The following ZNF81 variants were observed in gnomAD, a reference collection of about 807,000 sequenced individuals.
ZNF81 encodes zinc finger protein 81 (HFZ20).
ZNF81 carries 5 observed loss-of-function variants against 32.3 expected under a neutral mutation model. The observed-to-expected ratio is 0.15, with a 90% CI of 0.08 to 0.33. The LOEUF is 0.33. Among genes scored for constraint, ZNF81 ranks in the 10% least tolerant of loss-of-function variants. The pLI, the probability that ZNF81 is intolerant of heterozygous loss-of-function variation, is 1.00. For synonymous variants in ZNF81, 163 were observed against 166.8 expected (o/e 0.98, Z 0.17); for missense variants, 379 against 479.8 (o/e 0.79, Z 1.96).
intron 2 of ZNF81, among the ~76,000 whole-genome samples, chrX:47,864,939 A>G (rs2313522): frequency 0.43 from 48,171 of 110,936 alleles, 7,832 homozygotes; most frequent in East Asian, 0.63. Context: ...GAGCAGAGTT[A>G]CGACAGTGGC....
rs1280913003 is a variant in ZNF81 at position 47,917,315 on chromosome X, G to A, written c.*683G>A. On this transcript the variant is annotated 3_prime_UTR_variant, in exon 5 of 5. Coordinates refer to ENST00000338637, the MANE Select transcript of ZNF81 (RefSeq NM_007137.5). Reference sequence around the variant, plus strand: ...ACACACAAATATAATCCTGTCATTCGTACTGGTTTCCATGACATAGTATCT... The same window carrying A: ...ACACACAAATATAATCCTGTCATTCATACTGGTTTCCATGACATAGTATCT... 1.0e-5 allele frequency: 3 copies of A among 296,675 alleles called. No homozygotes were observed. The highest frequency in any genetic ancestry group is 1.2e-5 in the Non-Finnish European group (2 of 169,861). 24.4% of individuals were successfully genotyped at this position (296,675 alleles called of 1,213,427 possible).
chrX:47,915,429 C>T lies in ZNF81; in HGVS notation c.783C>T (p.Leu261=). The T allele has an allele frequency of 8.3e-7, 1 of 1,211,575 alleles. No homozygotes were observed. The highest frequency in any genetic ancestry group is 1.1e-6 in the Non-Finnish European group (1 of 895,487). ...CGKVLSLKHS[L]SQNVKFPIGE... ...AAGTCCTCAGCCTCAAACACTCACT[C>T]AGTCAAAATGTGAAATTTCCCATTG... The change falls in exon 5 of 5, where the codon CTC becomes CTT. Residue 261 remains leucine (L), a synonymous_variant. Transcript: ENST00000338637.
chrX:47,866,769 G>A (rs7054119), intron 2 of ZNF81, among the ~76,000 whole-genome samples: 45,498 of 110,147 alleles, frequency 0.41, 7,392 homozygotes, highest in East Asian at 0.62. Context: ...TGGCTCCTGA[G>A]CTCTTAAGAA....
intron 2 of ZNF81, among the ~76,000 whole-genome samples, chrX:47,863,071 T>C (rs1390493907): frequency 5.4e-5 from 6 of 111,216 alleles, no homozygotes; most frequent in African/African-American, 2.0e-4. Context: ...CCGGGAGTCA[T>C]GAGAAAGAGT....
rs1313587463 is a variant in ZNF81 at position 47,922,664 on chromosome X, A to G, written c.*6032A>G. On this transcript the variant is annotated 3_prime_UTR_variant, in exon 5 of 5. Transcript: ENST00000338637. Reference sequence around the variant, plus strand: ...GTTTTCATCTATAAAAGATGTACACACTACCACCTATCATAGATTTGACTA... The same window carrying G: ...GTTTTCATCTATAAAAGATGTACACGCTACCACCTATCATAGATTTGACTA... Among the ~76,000 whole-genome samples, 1 of 111,610 alleles carries G rather than the reference A, an allele frequency of 9.0e-6. No homozygotes were observed. The highest frequency in any genetic ancestry group is 1.9e-5 in the Non-Finnish European group (1 of 53,143).
chrX:47,906,842 C>A (rs2058722691), intron 4 of ZNF81, among the ~76,000 whole-genome samples: 1 of 112,525 alleles, frequency 8.9e-6, no homozygotes, highest in South Asian at 3.6e-4. Context: ...ATCAAGATAA[C>A]CTCTTGAATG....
chrX:47,907,064 T>C (rs1379755667), intron 4 of ZNF81, among the ~76,000 whole-genome samples: 2 of 104,807 alleles, frequency 1.9e-5, no homozygotes, highest in African/African-American at 7.0e-5. Context: ...GTCATAGCAG[T>C]GTATGCTCCT....
At chrX:47,884,149 G>A (rs782441329) in intron 2 of ZNF81, among the ~76,000 whole-genome samples, 2 of 105,587 alleles carry the variant, frequency 1.9e-5, no homozygotes, top group South Asian at 8.6e-4. Context: ...GGGAGGCTGA[G>A]GCAGAGAATT....
At chrX:47,855,815 G>A (rs1283222221) in intron 2 of ZNF81, among the ~76,000 whole-genome samples, 5 of 110,100 alleles carry the variant, frequency 4.5e-5, no homozygotes, top group South Asian at 3.8e-4. Flanking sequence ...TAGAGAAGCC[G>A]AGGCAGGTGG....
chrX:47,915,373 G>T lies in ZNF81; in HGVS notation c.727G>T (p.Val243Leu). The T allele has an allele frequency of 4.1e-6, 5 of 1,211,386 alleles. No individual in the cohort carries two copies. The highest frequency in any genetic ancestry group is 4.5e-6 in the Non-Finnish European group (4 of 895,383). Reference protein sequence around the residue: ...YSHHENTHTGVKFCERNQCGK... With the variant: ...YSHHENTHTGLKFCERNQCGK... The stretch of plus-strand genomic sequence containing the variant: ...TCACCACGAAAATACACATACAGGA[G>T]TGAAGTTCTGTGAACGTAATCAATG... Residue 243 changes from valine (V) to leucine (L), a missense_variant, in exon 5 of 5, where the codon GTG becomes TTG. This residue lies in a region of ZNF81 where 277 missense variants were observed against 306.6 expected (regional missense o/e 0.90). Transcript: ENST00000338637.
intron 4 of ZNF81, among the ~76,000 whole-genome samples, chrX:47,910,483 A>T (rs2058736079): frequency 8.9e-6 from 1 of 112,082 alleles, no homozygotes; most frequent in South Asian, 3.7e-4. Flanking sequence ...ACACATGAAA[A>T]AATGCTCATC....
chrX:47,907,084 G>A (rs1238864296), intron 4 of ZNF81, among the ~76,000 whole-genome samples: 4 of 101,355 alleles, frequency 3.9e-5, no homozygotes, highest in South Asian at 4.8e-4. Flanking sequence ...TTGCCCTTAC[G>A]GAGTGTCTGT....
intron 4 of ZNF81, among the ~76,000 whole-genome samples, chrX:47,900,341 A>G (rs1205975899): frequency 1.8e-5 from 2 of 111,698 alleles, no homozygotes; most frequent in African/African-American, 6.5e-5. Flanking sequence ...TGCCAATGTA[A>G]TTTGAAGGGA....
intron 2 of ZNF81, among the ~76,000 whole-genome samples, chrX:47,868,419 C>G (rs1480376220): frequency 2.7e-5 from 3 of 111,487 alleles, no homozygotes; most frequent in Non-Finnish European, 5.7e-5. Context: ...CCCTGTGATT[C>G]TGAACTAGTG....
chrX:47,841,783 A>G (rs1011966477), intron 1 of ZNF81: 7 of 386,841 alleles, frequency 1.8e-5, no homozygotes, highest in African/African-American at 1.8e-4. Flanking sequence ...AAGACCAGCT[A>G]TTGGATTTAT....
chrX:47,878,504 C>T (rs959205596), intron 2 of ZNF81, among the ~76,000 whole-genome samples: 3 of 112,539 alleles, frequency 2.7e-5, no homozygotes, highest in Non-Finnish European at 5.6e-5. Flanking sequence ...TGACATCCCC[C>T]GATTGGGGGG....
At chrX:47,845,959 A>G (rs188024612) in intron 1 of ZNF81, 146 bp from the exon 2 acceptor site, 8 of 319,052 alleles carry the variant, frequency 2.5e-5, no homozygotes, top group African/African-American at 2.1e-4. Context: ...CTCATATTCT[A>G]TTTTAATTGA....
intron 4 of ZNF81, among the ~76,000 whole-genome samples, chrX:47,899,489 G>A (rs1043925847): frequency 2.7e-5 from 3 of 109,663 alleles, no homozygotes; most frequent in African/African-American, 9.9e-5. Flanking sequence ...ATATATTGTT[G>A]GACTCTACTT....
Position 47,868,570 on chromosome X carries a change from T to G in ZNF81, c.55-19429T>G, listed in dbSNP as rs141021563. On this transcript the variant is annotated intron_variant, in intron 2 of 4. Coordinates refer to ENST00000338637, the MANE Select transcript of ZNF81 (RefSeq NM_007137.5). ...TACTGTTTTCCATTTCCACTCCTAT[T>G]GAGCTCCCCTTGCTTTAAAATATCT... Among the ~76,000 whole-genome samples the G allele has an allele frequency of 2.6e-4, 29 of 111,521 alleles. No individual in the cohort carries two copies. In the East Asian group the frequency reaches 6.2e-3, roughly 24 times the overall value.
Sources: allele counts gnomAD v4.1 joint callset (sites outside exome capture counted in the v4.1 genomes callset), GRCh38; gene constraint gnomAD v4.1.1; regional missense constraint gnomAD v4.1.1; transcripts MANE v1.5; gene names NCBI Gene and HGNC (gene_info 2026-07-23, HGNC 2026-07-21).